The following PABPN1 variants were observed in gnomAD, a reference collection of about 807,000 sequenced individuals.
The protein encoded by PABPN1 is poly(A) binding protein nuclear 1.
In PABPN1, 5 loss-of-function variants were observed where a neutral mutation model predicts 33.4. The ratio of observed to expected loss-of-function variants is 0.15; its 90% CI spans 0.08 to 0.32. The LOEUF (loss-of-function observed/expected upper bound fraction) is 0.32, where lower values mean the gene tolerates loss of function less well. Among genes scored for constraint, PABPN1 ranks in the 10% least tolerant of loss-of-function variants. The pLI, the probability that PABPN1 is intolerant of heterozygous loss-of-function variation, is 1.00. For synonymous variants in PABPN1, 176 were observed against 170.6 expected (o/e 1.03, Z -0.25); for missense variants, 312 against 425.8 (o/e 0.73, Z 2.35).
At chr14:23,322,758 G>T in intron 2 of PABPN1, 1 of 553,342 alleles carries the variant, frequency 1.8e-6, no homozygotes, top group Non-Finnish European at 3.2e-6. Flanking sequence ...TGATTTGGAG[G>T]CAGGAGGGAT....
chr14:23,322,680 G>A, intron 2 of PABPN1: 1 of 469,482 alleles, frequency 2.1e-6, no homozygotes, highest in Non-Finnish European at 3.9e-6. Flanking sequence ...CTAGAAATGT[G>A]GAGTCTCAGC....
rs114791748 is a variant in PABPN1 at position 23,325,021 on chromosome 14, T to C, written c.882-226T>C. 325 of 467,578 alleles carry C rather than the reference T, an allele frequency of 7.0e-4. 3 individuals carry two copies. In the African/African-American group the frequency reaches 8.0e-3, roughly 12 times the overall value. 29.0% of individuals were successfully genotyped at this position (467,578 alleles called of 1,614,324 possible). A position where few individuals can be genotyped will look rare whatever the true frequency, so the allele number is the denominator to read the frequency against. ...GCCCCTGTCTCTCACTCAGATGCGC[T>C]TCTTTTTCGCCACTGTTTGGCAGTT... On this transcript the variant is annotated intron_variant, in intron 6 of 6. Transcript: ENST00000216727.
At chr14:23,324,319 C>T (rs1215220770) in intron 6 of PABPN1, 30 bp downstream of exon 6, 1 of 1,607,306 alleles carries the variant, frequency 6.2e-7, no homozygotes, top group South Asian at 1.1e-5. Context: ...TCCTCTTTCC[C>T]CCGCCTCCCG....
intron 1 of PABPN1, 73 bp from the exon 2 acceptor site, chr14:23,322,108 G>T: frequency 6.7e-7 from 1 of 1,481,620 alleles, no homozygotes; most frequent in Admixed American, 2.0e-5. Flanking sequence ...GCCGCGCTCT[G>T]GCCGAGAGCA....
chr14:23,325,075 A>C lies in PABPN1; in HGVS notation c.882-172A>C. 6.1e-6 allele frequency: 5 copies of C among 819,738 alleles called. No homozygotes were observed. In the South Asian group the frequency reaches 7.4e-5, roughly 12 times the overall value. The allele number at this position is 819,738 out of a possible 1,614,324, so 50.8% of individuals were successfully genotyped here. ...TGTTAAGCCCCCCTCCCCCTGCCCCAGTTCTCCAGGTGCGTTACTATTTCT... is the reference window on the plus strand; with the variant it reads ...TGTTAAGCCCCCCTCCCCCTGCCCCCGTTCTCCAGGTGCGTTACTATTTCT... On this transcript the variant is annotated intron_variant, in intron 6 of 6. Coordinates refer to ENST00000216727, the MANE Select transcript of PABPN1 (RefSeq NM_004643.4).
intron 6 of PABPN1, 148 bp downstream of exon 6, chr14:23,324,437 A>G (rs996896224): frequency 5.5e-5 from 62 of 1,128,128 alleles, no homozygotes; most frequent in Middle Eastern, 2.1e-4. Context: ...TGAGGAAGGT[A>G]GTTGCAGGCC....
At chr14:23,325,013 A>G in intron 6 of PABPN1, 1 of 487,066 alleles carries the variant, frequency 2.1e-6, no homozygotes, top group South Asian at 3.5e-5. Context: ...TCTCTCACTC[A>G]GATGCGCTTC....
At chr14:23,324,588 A>G in intron 6 of PABPN1, 1 of 555,542 alleles carries the variant, frequency 1.8e-6, no homozygotes, top group Non-Finnish European at 3.2e-6. Context: ...GTTTGCGGAC[A>G]AAACTGGGAG....
At chr14:23,321,907 G>C (rs960657554) in intron 1 of PABPN1, 87 bp downstream of exon 1, 44 of 898,954 alleles carry the variant, frequency 4.9e-5, no homozygotes, top group Non-Finnish European at 5.9e-5. Context: ...GGTGGCAGGC[G>C]GGGGGTGGGG....
chr14:23,322,060 C>T (rs1594988258), intron 1 of PABPN1, 121 bp from the exon 2 acceptor site: 2 of 1,088,006 alleles, frequency 1.8e-6, no homozygotes, highest in African/African-American at 1.6e-5. Flanking sequence ...TATCACGACC[C>T]TCGCATGGGG....
chr14:23,325,190 C>T, intron 6 of PABPN1, 57 bp from the exon 7 acceptor site: 1 of 1,612,234 alleles, frequency 6.2e-7, no homozygotes, highest in Non-Finnish European at 8.5e-7. Flanking sequence ...CGGGGAGGGG[C>T]TTGTACTGAA....
rs1177737587 is a variant in PABPN1, at chr14:23,321,571, G to C, written c.102G>C (p.Glu34Asp). The change falls in exon 1 of 7, where the codon GAG becomes GAC. Residue 34 changes from glutamate to aspartate, a missense_variant. Around this residue, in one of 3 missense-constraint regions of PABPN1, gnomAD observed 167 missense variants for 168.9 expected, o/e 0.99. Coordinates refer to ENST00000216727, the MANE Select transcript of PABPN1 (RefSeq NM_004643.4). ...ATCTTGTGCCCGGGGCCGGTGGGGA[G>C]GCCGGGGAGGGGGCCCCGGGGGGCG... ...RRHLVPGAGG[E>D]AGEGAPGGAG... 7 of 1,438,576 alleles carry C rather than the reference G, an allele frequency of 4.9e-6. No individual in the cohort carries two copies. Among genetic ancestry groups the C allele is most frequent in the South Asian group, 1.4e-5 (1 of 70,374 alleles). The allele number at this position is 1,438,576 out of a possible 1,614,324, so 89.1% of individuals were successfully genotyped here.
At chr14:23,322,604 T>G in intron 2 of PABPN1, 1 of 464,580 alleles carries the variant, frequency 2.2e-6, no homozygotes, top group Non-Finnish European at 3.9e-6. Context: ...CTAATAGTTT[T>G]TCCTCCAATT....
intron 6 of PABPN1, 136 bp from the exon 7 acceptor site, chr14:23,325,111 G>A (rs760569852): frequency 3.4e-5 from 39 of 1,155,744 alleles, no homozygotes; most frequent in Non-Finnish European, 4.8e-5. Context: ...GGGATCATGG[G>A]GTCAGTTTTA....
intron 1 of PABPN1, 151 bp from the exon 2 acceptor site, chr14:23,322,030 A>C: frequency 1.1e-6 from 1 of 892,484 alleles, no homozygotes; most frequent in Non-Finnish European, 1.8e-6. Context: ...GTGTTGTTCT[A>C]GAGAGGGTAG....
intron 6 of PABPN1, 56 bp downstream of exon 6, chr14:23,324,345 T>C: frequency 1.2e-6 from 2 of 1,602,024 alleles, no homozygotes; most frequent in Non-Finnish European, 1.7e-6. Flanking sequence ...CCCGTATGCT[T>C]CCTCCTCTCT....
rs80204954 is a variant in PABPN1 at position 23,325,496 on chromosome 14, T to C, written c.*210T>C. On this transcript the variant is annotated 3_prime_UTR_variant, in exon 7 of 7. Coordinates refer to ENST00000216727, the MANE Select transcript of PABPN1 (RefSeq NM_004643.4). ...GGGGAGTAGGGGAAGGCCCAGGGAG[T>C]GGGGCAGGGGGCTGCTTATTCACTC... is the stretch of plus-strand genomic sequence containing the variant. 4.7e-6 allele frequency: 3 copies of C among 631,762 alleles called. No homozygotes were observed. In the South Asian group the frequency reaches 6.4e-5, roughly 14 times the overall value. The allele number at this position is 631,762 out of a possible 1,614,324, so 39.1% of individuals were successfully genotyped here. A position where few individuals can be genotyped will look rare whatever the true frequency, so the allele number is the denominator to read the frequency against.
intron 1 of PABPN1, 49 bp from the exon 2 acceptor site, chr14:23,322,132 G>A (rs1888348762): frequency 2.6e-6 from 4 of 1,551,584 alleles, no homozygotes; most frequent in Non-Finnish European, 3.5e-6. Flanking sequence ...CACAGCCCCT[G>A]CGTTGGTTCC....
rs1258178000 is a variant in PABPN1 at position 23,322,167 on chromosome 14, C to A, written c.352-14C>A. 2 of 1,596,122 alleles carry A rather than the reference C, an allele frequency of 1.3e-6. No homozygotes were observed. The highest frequency in any genetic ancestry group is 1.7e-6 in the Non-Finnish European group (2 of 1,171,160). On this transcript the variant is annotated splice_polypyrimidine_tract_variant and intron_variant, in intron 1 of 6. Coordinates refer to ENST00000216727, the MANE Select transcript of PABPN1 (RefSeq NM_004643.4). ...CTCTTAAGCTGTCCTCCATACCCTCCCCACTTATATTAGGAGCTGGAAGCT... is the reference window on the plus strand; with the variant it reads ...CTCTTAAGCTGTCCTCCATACCCTCACCACTTATATTAGGAGCTGGAAGCT...
Sources: allele counts gnomAD v4.1 joint callset, GRCh38; gene constraint gnomAD v4.1.1; regional missense constraint gnomAD v4.1.1; transcripts MANE v1.5; gene names NCBI Gene and HGNC (gene_info 2026-07-23, HGNC 2026-07-21).